Variants in SLC44A1 observed in about 807,000 individuals in gnomAD.
The protein encoded by SLC44A1 is solute carrier family 44 member 1, also known as choline transporter-like protein 1.
Under a neutral mutation model 79.3 loss-of-function variants are expected in SLC44A1, and 26 were observed. The observed-to-expected ratio is 0.33, with a 90% CI of 0.24 to 0.46. SLC44A1 has a LOEUF of 0.46. Ranked by LOEUF, SLC44A1 falls within the 20% of genes least tolerant of loss-of-function variation. The probability of loss-of-function intolerance (pLI) is 1.00; values close to 1 mark genes in which losing one functional copy is unlikely to be tolerated. For missense variants in SLC44A1, 688 were observed against 798.1 expected, an observed-to-expected ratio of 0.86 and a Z score of 1.66; for synonymous variants, 263 against 286.2, an observed-to-expected ratio of 0.92 and a Z score of 0.82.
chr9:105,248,001 T>C (rs1243560626), intron 1 of SLC44A1, among the ~76,000 whole-genome samples: 1 of 152,258 alleles, frequency 6.6e-6, no homozygotes, highest in Non-Finnish European at 1.5e-5. Flanking sequence ...TTTCCTTTGC[T>C]CCTGATGACC....
chr9:105,436,609 G>T (rs1480266616), intron 15 of SLC44A1, among the ~76,000 whole-genome samples: 1 of 152,120 alleles, frequency 6.6e-6, no homozygotes. Flanking sequence ...AATGAAACTG[G>T]TAAGACAGCA....
At chr9:105,299,495 A>AT (rs753134108) in intron 2 of SLC44A1, among the ~76,000 whole-genome samples, 186 bp downstream of exon 2, 13 of 152,260 alleles carry the variant, frequency 8.5e-5, no homozygotes, top group Non-Finnish European at 1.8e-4. Context: ...TGGGACTCAT[A>AT]TGCCATTCAA....
Position 105,393,949 on chromosome 9 carries a change from C to G in SLC44A1, c.*4893C>G. 1 of 983,806 alleles carries G rather than the reference C, an allele frequency of 1.0e-6. No individual in the cohort carries two copies. 60.9% of individuals were successfully genotyped at this position (983,806 alleles called of 1,614,324 possible). ...TTACAAATGTCTCAGAAATTTCTCA[C>G]TTTTATTTGCTAAGACCTGAATTTA... On this transcript the variant is annotated 3_prime_UTR_variant, in exon 16 of 16. Transcript: ENST00000374720.
intron 7 of SLC44A1, among the ~76,000 whole-genome samples, chr9:105,360,978 A>T (rs990137114): frequency 1.8e-4 from 28 of 152,178 alleles, no homozygotes; most frequent in African/African-American, 5.3e-4. Flanking sequence ...ACACTGAAGG[A>T]TTTATAAATG....
chr9:105,314,653 C>T (rs1175762726), intron 3 of SLC44A1, among the ~76,000 whole-genome samples: 1 of 152,170 alleles, frequency 6.6e-6, no homozygotes. Flanking sequence ...AAATGCCTCT[C>T]CAATGTCAGA....
rs766558103 is a variant in SLC44A1, at chr9:105,362,937, C to T, written c.1017C>T (p.Phe339=). Residue 339 remains phenylalanine (F), a synonymous_variant, in exon 9 of 16, where the codon TTC becomes TTT. Transcript: ENST00000374720. The part of the protein sequence containing the change: ...IHLPLLVFQP[F]WTFFALVLFW... ...TGCCACTGCTAGTCTTCCAACCCTT[C>T]TGGACTTTCTTTGCTCTTGTCTTGT... The T allele has an allele frequency of 1.4e-5, 23 of 1,613,960 alleles. No homozygotes were observed. Among genetic ancestry groups the T allele is most frequent in the Admixed American group, 8.3e-5 (5 of 59,994 alleles).
At chr9:105,313,726 T>C (rs1375651939) in intron 3 of SLC44A1, among the ~76,000 whole-genome samples, 1 of 152,160 alleles carries the variant, frequency 6.6e-6, no homozygotes, top group Middle Eastern at 3.2e-3. Context: ...GCTTAGAGTA[T>C]ATATGTCAAT....
chr9:105,329,245 T>TC (rs2131347398), intron 3 of SLC44A1, among the ~76,000 whole-genome samples: 1 of 152,284 alleles, frequency 6.6e-6, no homozygotes, highest in South Asian at 2.1e-4. Flanking sequence ...ATGATCAGAC[T>TC]CCATTTTTAT....
At chr9:105,412,417 G>A (rs1020430670) in intron 15 of SLC44A1, among the ~76,000 whole-genome samples, 1 of 152,110 alleles carries the variant, frequency 6.6e-6, no homozygotes, top group African/African-American at 2.4e-5. Flanking sequence ...GCAACCAGAT[G>A]TTCCAAGCTC....
At chr9:105,257,882 A>G (rs1369329984) in intron 1 of SLC44A1, among the ~76,000 whole-genome samples, 1 of 152,182 alleles carries the variant, frequency 6.6e-6, no homozygotes, top group Admixed American at 6.5e-5. Flanking sequence ...CATTTGGGGA[A>G]GGCATTCATA....
At chr9:105,279,717 A>G (rs1317272575) in intron 1 of SLC44A1, among the ~76,000 whole-genome samples, 1 of 152,206 alleles carries the variant, frequency 6.6e-6, no homozygotes, top group Middle Eastern at 3.2e-3. Flanking sequence ...CATCAGGAAT[A>G]TATAAACCTT....
At chr9:105,297,582 C>T (rs1564422098) in intron 1 of SLC44A1, among the ~76,000 whole-genome samples, 1 of 152,108 alleles carries the variant, frequency 6.6e-6, no homozygotes. Context: ...GGGGTTTCTC[C>T]ATGTTGGTCA....
At chr9:105,412,878 C>T (rs1259168588) in intron 15 of SLC44A1, among the ~76,000 whole-genome samples, 1 of 152,136 alleles carries the variant, frequency 6.6e-6, no homozygotes, top group Non-Finnish European at 1.5e-5. Context: ...TCTAGGATTA[C>T]AGGCATGAGT....
rs973388092 is a variant in SLC44A1, at chr9:105,392,401, CTCTTT to C, written c.*3347_*3351del. The C allele has an allele frequency of 6.3e-5, 20 of 319,028 alleles. No homozygotes were observed. Among genetic ancestry groups the C allele is most frequent in the Non-Finnish European group, 6.9e-5 (18 of 262,768 alleles). 19.8% of individuals were successfully genotyped at this position (319,028 alleles called of 1,614,324 possible). A position where few individuals can be genotyped will look rare whatever the true frequency, so the allele number is the denominator to read the frequency against. On this transcript the variant is annotated 3_prime_UTR_variant, in exon 16 of 16. Transcript: ENST00000374720. ...TTGTAGAGATGCTCTCTCTCTCTCTCTCTTTTTTTTTTTTTTTTTTTTTTTTTTTC... is the reference window on the plus strand; with the variant it reads ...TTGTAGAGATGCTCTCTCTCTCTCTCTTTTTTTTTTTTTTTTTTTTTTTTC...
chr9:105,313,233 C>T (rs543195869), intron 3 of SLC44A1, among the ~76,000 whole-genome samples: 20 of 152,264 alleles, frequency 1.3e-4, no homozygotes, highest in African/African-American at 4.8e-4. Flanking sequence ...CCTGAACGTC[C>T]CTATATTATA....
rs1409298752 is a variant in SLC44A1, at chr9:105,392,399, CTCTCTTTTTTTTTTTT to C, written c.*3345_*3360del. 140 of 818,382 alleles carry C rather than the reference CTCTCTTTTTTTTTTTT, an allele frequency of 1.7e-4. No homozygotes were observed. Among genetic ancestry groups the C allele is most frequent in the Middle Eastern group, 6.0e-4 (1 of 1,678 alleles). 50.7% of individuals were successfully genotyped at this position (818,382 alleles called of 1,614,324 possible). A position where few individuals can be genotyped will look rare whatever the true frequency, so the allele number is the denominator to read the frequency against. ...TTTTGTAGAGATGCTCTCTCTCTCT[CTCTCTTTTTTTTTTTT>C]TTTTTTTTTTTTTTTCCGTGAGGGC... On this transcript the variant is annotated 3_prime_UTR_variant, in exon 16 of 16. Transcript: ENST00000374720.
At chr9:105,306,406 G>A (rs1018878575) in intron 2 of SLC44A1, among the ~76,000 whole-genome samples, 4 of 151,820 alleles carry the variant, frequency 2.6e-5, no homozygotes, top group South Asian at 2.1e-4. Context: ...TCCCACATTC[G>A]GATTTTAGAA....
chr9:105,301,017 A>G (rs1830864047), intron 2 of SLC44A1, among the ~76,000 whole-genome samples: 1 of 152,076 alleles, frequency 6.6e-6, no homozygotes, highest in South Asian at 2.1e-4. Context: ...TGATCCACCC[A>G]TCTCGGCCTC....
intron 13 of SLC44A1, among the ~76,000 whole-genome samples, chr9:105,376,314 TACAC>T (rs33933201): frequency 0.044 from 6,084 of 138,702 alleles, 138 homozygotes; most frequent in East Asian, 0.085. Context: ...TATATATGTA[TACAC>T]ACACACACAC....
Sources: allele counts gnomAD v4.1 joint callset (sites outside exome capture counted in the v4.1 genomes callset), GRCh38; gene constraint gnomAD v4.1.1; transcripts MANE v1.5; gene names NCBI Gene and HGNC (gene_info 2026-07-23, HGNC 2026-07-21).